Variants in THOC1 observed in about 807,000 individuals in gnomAD.
The protein encoded by THOC1 is THO complex subunit 1, also known as THO complex 1.
A neutral mutation model predicts 97.3 loss-of-function variants in THOC1; 29 were observed. That is an observed-to-expected ratio of 0.30 (90% CI 0.22 to 0.41). The LOEUF (loss-of-function observed/expected upper bound fraction) is 0.41. Among genes scored for constraint, THOC1 ranks in the 10% least tolerant of loss-of-function variants. The pLI is 1.00. For missense variants in THOC1, 529 were observed against 761.9 expected (o/e 0.69, Z 3.60); for synonymous variants, 255 against 257.0 (o/e 0.99, Z 0.07).
At chr18:247,051 G>A (rs998299387) in intron 10 of THOC1, among the ~76,000 whole-genome samples, 10 of 151,914 alleles carry the variant, frequency 6.6e-5, no homozygotes, top group Non-Finnish European at 8.8e-5. Flanking sequence ...AAACTCTTAC[G>A]CATTTCTTGT....
intron 7 of THOC1, among the ~76,000 whole-genome samples, chr18:256,673 ATTT>A (rs1912446885): frequency 6.6e-6 from 1 of 151,994 alleles, no homozygotes; most frequent in Admixed American, 6.6e-5. Flanking sequence ...ATCTCGGCTT[ATTT>A]TTTATTTTTT....
At chr18:243,155 T>G (rs1351872392) in intron 11 of THOC1, among the ~76,000 whole-genome samples, 1 of 152,186 alleles carries the variant, frequency 6.6e-6, no homozygotes, top group Non-Finnish European at 1.5e-5. Context: ...TGGTAAGTTT[T>G]AAGCTTCTCA....
At chr18:224,416 T>C (rs1191754284) in intron 15 of THOC1, among the ~76,000 whole-genome samples, 2 of 151,664 alleles carry the variant, frequency 1.3e-5, no homozygotes, top group Non-Finnish European at 2.9e-5. Flanking sequence ...CTGTCTCTAC[T>C]AAAAATACAA....
At position 254,394 on chromosome 18, in the gene THOC1, G is replaced by T; in HGVS notation, c.521-39C>A. 7.9e-7 allele frequency: 1 copy of T among 1,266,802 alleles called. No homozygotes were observed. The highest frequency in any genetic ancestry group is 1.1e-6 in the Non-Finnish European group (1 of 893,360). 78.5% of individuals were successfully genotyped at this position (1,266,802 alleles called of 1,614,324 possible). On this transcript the variant is annotated intron_variant, in intron 7 of 20. Coordinates refer to ENST00000261600, the MANE Select transcript of THOC1 (RefSeq NM_005131.3). The surrounding 1 kb of genome is among the most constrained non-coding windows in gnomAD (Gnocchi z 4.1). Reference sequence around the variant, plus strand: ...AAAAAAAAGATGCAAAGCAAGTCCAGTGACACCTAAACTTATGTATAACTT... The same window carrying T: ...AAAAAAAAGATGCAAAGCAAGTCCATTGACACCTAAACTTATGTATAACTT...
At chr18:250,887 C>G (rs1208699906) in intron 9 of THOC1, among the ~76,000 whole-genome samples, 2 of 152,140 alleles carry the variant, frequency 1.3e-5, no homozygotes, top group Non-Finnish European at 2.9e-5. Flanking sequence ...GCTGTTTACA[C>G]TTCAGGTGAC....
At chr18:233,651 T>C (rs1218425357) in intron 11 of THOC1, among the ~76,000 whole-genome samples, 2 of 152,212 alleles carry the variant, frequency 1.3e-5, no homozygotes, top group African/African-American at 4.8e-5. Flanking sequence ...TTCTTTTGTA[T>C]ATTAACCTTT....
In THOC1 at chr18:264,059, T is replaced by C. The variant is rs189891584; in HGVS notation, c.223A>G (p.Ile75Val). 341 of 1,612,476 alleles carry C rather than the reference T, an allele frequency of 2.1e-4. 1 individual carries two copies. Among genetic ancestry groups the C allele is most frequent in the Non-Finnish European group, 5.9e-5 (69 of 1,179,036 alleles). The change falls in exon 4 of 21, where the codon ATT (isoleucine) becomes GTT (valine). Residue 75 changes from isoleucine to valine, a missense_variant. Physicochemically the swap from Ile to Val is conservative, Grantham distance 29. Transcript: ENST00000261600. ...NHSSCENVLA[I>V]ISLAIGGVTE... ...ACTCCCCCAATAGCAAGAGAAATAA[T>C]AGCTAAAACGTTTTCACATGATGAA...
At chr18:234,418 T>A (rs114022479) in intron 11 of THOC1, among the ~76,000 whole-genome samples, 2,162 of 152,290 alleles carry the variant, frequency 0.014, 53 homozygotes, top group African/African-American at 0.049. Context: ...TGCAATAGGG[T>A]TTTTAAAATC....
Position 225,126 on chromosome 18 carries a change from T to G in THOC1, c.1100A>C (p.Asn367Thr). The change falls in exon 14 of 21, where the codon AAC becomes ACC. Residue 367 changes from asparagine (N) to threonine (T), a missense_variant. Physicochemically the swap from Asn to Thr is moderately conservative, Grantham distance 65. This residue lies in a region of THOC1 where 123 missense variants were observed against 159.0 expected (regional missense o/e 0.77). Coordinates refer to ENST00000261600, the MANE Select transcript of THOC1 (RefSeq NM_005131.3). ...TGAAAATCTTTCTCCATCGGGGGGG[T>G]TTTCAGATAGTAGCTGTGATTAGAA... ...TKSVYQLLSE[N>T]PPDGERFSKM... 2 of 1,574,740 alleles carry G rather than the reference T, an allele frequency of 1.3e-6. No individual in the cohort carries two copies. Among genetic ancestry groups the G allele is most frequent in the Non-Finnish European group, 1.7e-6 (2 of 1,158,940 alleles).
chr18:234,583 T>C (rs1196745035), intron 11 of THOC1, among the ~76,000 whole-genome samples: 2 of 152,306 alleles, frequency 1.3e-5, no homozygotes, highest in East Asian at 3.9e-4. Flanking sequence ...GGTCTTGCTG[T>C]GTTGCCCAGG....
intron 7 of THOC1, 49 bp downstream of exon 7, chr18:259,131 C>T: frequency 7.1e-7 from 1 of 1,408,036 alleles, no homozygotes; most frequent in Non-Finnish European, 9.9e-7. Context: ...CTATTAAAAA[C>T]TGGAAAAGAT....
intron 9 of THOC1, among the ~76,000 whole-genome samples, chr18:249,472 A>T (rs1784829): frequency 6.6e-6 from 1 of 151,886 alleles, no homozygotes; most frequent in Non-Finnish European, 1.5e-5. Flanking sequence ...GACCAGCCTG[A>T]CCAACATACT....
chr18:230,297 A>AC (rs1911441058), intron 11 of THOC1, among the ~76,000 whole-genome samples: 1 of 152,226 alleles, frequency 6.6e-6, no homozygotes, highest in Non-Finnish European at 1.5e-5. Flanking sequence ...AGGGGAGCCA[A>AC]ATAAGAGACT....
At position 242,269 on chromosome 18, in the gene THOC1, G is replaced by A. The variant is rs1310244737; in HGVS notation, c.918+4055C>T. ...AGGCAGGCAGATCACCTGAGGCTGC[G>A]AGTTCGAGACCAGCCTGGCCAACAT... On this transcript the variant is annotated intron_variant, in intron 11 of 20. Coordinates refer to ENST00000261600, the MANE Select transcript of THOC1 (RefSeq NM_005131.3). This position sits in a 1 kb window ranked among gnomAD's most constrained non-coding sequence, Gnocchi z 4.5. 6.6e-6 allele frequency among the ~76,000 whole-genome samples: 1 copy of A among 151,838 alleles called. No homozygotes were observed. Among genetic ancestry groups the A allele is most frequent in the Non-Finnish European group, 1.5e-5 (1 of 68,002 alleles).
chr18:219,085 C>A (rs1332039380), intron 17 of THOC1, 116 bp from the exon 18 acceptor site: 11 of 288,718 alleles, frequency 3.8e-5, no homozygotes, highest in Non-Finnish European at 5.1e-5. Context: ...ACAAAAATAA[C>A]CAGTGAGGAT....
At position 247,845 on chromosome 18, in the gene THOC1, T is replaced by A; in HGVS notation, c.786+4A>T. ...CTTCTGATAGTCTGTCAATGGCAAC[T>A]TACCTTGAGAAAAGTTTTCCATGAA... On this transcript the variant is annotated splice_donor_region_variant and intron_variant, in intron 10 of 20. Transcript: ENST00000261600. The A allele has an allele frequency of 6.3e-7, 1 of 1,590,760 alleles. No individual in the cohort carries two copies. Among genetic ancestry groups the A allele is most frequent in the African/African-American group, 1.3e-5 (1 of 74,290 alleles).
chr18:223,942 TAG>T, intron 16 of THOC1, 140 bp downstream of exon 16: 1 of 664,246 alleles, frequency 1.5e-6, no homozygotes, highest in East Asian at 2.7e-5. Flanking sequence ...ATGGGCAGTA[TAG>T]ACAGTGCGGT....
chr18:248,583 T>A (rs1430599000), intron 9 of THOC1, among the ~76,000 whole-genome samples: 1 of 152,136 alleles, frequency 6.6e-6, no homozygotes, highest in Non-Finnish European at 1.5e-5. Flanking sequence ...ATATCCTAAC[T>A]AAAAATATTA....
intron 20 of THOC1, 127 bp downstream of exon 20, chr18:215,302 A>G: frequency 1.4e-6 from 1 of 730,396 alleles, no homozygotes; most frequent in Non-Finnish European, 2.3e-6. Flanking sequence ...ATTCCTCACT[A>G]TGTCAGAAAC....
Sources: allele counts gnomAD v4.1 joint callset (sites outside exome capture counted in the v4.1 genomes callset), GRCh38; gene constraint gnomAD v4.1.1; regional missense constraint gnomAD v4.1.1; non-coding constraint Gnocchi (gnomAD v3.1); transcripts MANE v1.5; gene names NCBI Gene and HGNC (gene_info 2026-07-23, HGNC 2026-07-21).